Variants in WWOX observed in about 807,000 individuals in gnomAD.
WWOX encodes WW domain-containing oxidoreductase.
Under a neutral mutation model 46.2 loss-of-function variants are expected in WWOX, and 69 were observed. The observed-to-expected ratio is 1.49, with a 90% CI of 1.23 to 1.82. The LOEUF (loss-of-function observed/expected upper bound fraction) is 1.82. Ranked by LOEUF, WWOX falls within the 40% of genes most tolerant of loss-of-function variation. WWOX has a pLI of 0.00. For synonymous variants in WWOX, 359 were observed against 202.6 expected (o/e 1.77, Z -6.56); for missense variants, 919 against 542.6 (o/e 1.69, Z -6.89).
At chr16:78,862,238 A>C (rs1368986564) in intron 8 of WWOX, among the ~76,000 whole-genome samples, 1 of 151,082 alleles carries the variant, frequency 6.6e-6, no homozygotes, top group African/African-American at 2.5e-5. Flanking sequence ...GTATCTATAC[A>C]CACCTATGGG....
chr16:79,159,018 A>T (rs959863194), intron 8 of WWOX, among the ~76,000 whole-genome samples: 1 of 152,220 alleles, frequency 6.6e-6, no homozygotes, highest in African/African-American at 2.4e-5. Flanking sequence ...CTCAAGAACA[A>T]TTTCCTAAAG....
chr16:78,372,484 C>T (rs1434884218), intron 5 of WWOX, among the ~76,000 whole-genome samples: 3 of 152,260 alleles, frequency 2.0e-5, no homozygotes, highest in Non-Finnish European at 2.9e-5. Flanking sequence ...GATAGAATCA[C>T]GCTGGGGAGG....
At chr16:78,960,404 G>A (rs1191997495) in intron 8 of WWOX, among the ~76,000 whole-genome samples, 6 of 152,202 alleles carry the variant, frequency 3.9e-5, no homozygotes, top group Admixed American at 2.0e-4. Flanking sequence ...CAGCCATCTA[G>A]ACTTGCTCTC....
At chr16:78,410,302 A>G (rs2082649019) in intron 6 of WWOX, among the ~76,000 whole-genome samples, 1 of 152,216 alleles carries the variant, frequency 6.6e-6, no homozygotes. Context: ...TTGCAGTGCA[A>G]GAATAGCTTA....
At chr16:78,920,128 G>T (rs1375663164) in intron 8 of WWOX, among the ~76,000 whole-genome samples, 1 of 152,126 alleles carries the variant, frequency 6.6e-6, no homozygotes, top group African/African-American at 2.4e-5. Context: ...GGGCCGTCAA[G>T]AGCTGGCTCT....
intron 8 of WWOX, among the ~76,000 whole-genome samples, chr16:78,521,929 A>G (rs1393011861): frequency 6.6e-6 from 1 of 152,114 alleles, no homozygotes; most frequent in Non-Finnish European, 1.5e-5. Context: ...ATTTTTGGGT[A>G]CTGGAGATGG....
chr16:78,312,208 C>T (rs1037200973), intron 5 of WWOX, among the ~76,000 whole-genome samples: 9 of 152,014 alleles, frequency 5.9e-5, no homozygotes, highest in African/African-American at 2.2e-4. Flanking sequence ...CTATCTGCAA[C>T]CTTAATTCAT....
intron 8 of WWOX, among the ~76,000 whole-genome samples, chr16:78,541,806 C>A (rs1368461693): frequency 6.6e-6 from 1 of 152,026 alleles, no homozygotes; most frequent in African/African-American, 2.4e-5. Context: ...AGCAAATGGA[C>A]TACTATGAAG....
At chr16:78,367,525 C>T (rs1167669548) in intron 5 of WWOX, among the ~76,000 whole-genome samples, 1 of 151,988 alleles carries the variant, frequency 6.6e-6, no homozygotes, top group East Asian at 1.9e-4. Context: ...GATTGGACAC[C>T]CTGGGAATAA....
intron 8 of WWOX, among the ~76,000 whole-genome samples, chr16:78,791,380 A>G (rs2050595595): frequency 6.6e-6 from 1 of 152,168 alleles, no homozygotes; most frequent in South Asian, 2.1e-4. Flanking sequence ...GGAGCAGCCG[A>G]TCTGAGACTG....
intron 8 of WWOX, among the ~76,000 whole-genome samples, chr16:79,048,128 A>G (rs554852785): frequency 6.6e-6 from 1 of 152,176 alleles, no homozygotes; most frequent in East Asian, 1.9e-4. Context: ...ACGGAAAATC[A>G]TTTTCTATTT....
chr16:78,656,026 A>G (rs12325505), intron 8 of WWOX, among the ~76,000 whole-genome samples: 130,229 of 152,184 alleles, frequency 0.86, 56,410 homozygotes, highest in Non-Finnish European at 0.93. Flanking sequence ...TAGGGTGAAT[A>G]CCAAAGGTCT....
intron 8 of WWOX, among the ~76,000 whole-genome samples, chr16:79,080,835 A>T (rs28714173): frequency 0.054 from 8,284 of 152,198 alleles, 761 homozygotes; most frequent in African/African-American, 0.19. Context: ...AAGGAAAAGC[A>T]TGGCTTTTAT....
intron 8 of WWOX, among the ~76,000 whole-genome samples, chr16:78,544,558 T>C (rs2043976845): frequency 6.6e-6 from 1 of 152,174 alleles, no homozygotes; most frequent in Admixed American, 6.5e-5. Flanking sequence ...TTTTAACTCA[T>C]TGCAATGCAC....
intron 8 of WWOX, among the ~76,000 whole-genome samples, chr16:78,698,871 G>C (rs1448936397): frequency 6.6e-6 from 1 of 151,966 alleles, no homozygotes; most frequent in Admixed American, 6.6e-5. Context: ...CAAACCTTAA[G>C]TTTTCTTAAT....
chr16:78,692,253 A>T (rs144999977), intron 8 of WWOX, among the ~76,000 whole-genome samples: 1 of 152,190 alleles, frequency 6.6e-6, no homozygotes, highest in Non-Finnish European at 1.5e-5. Context: ...ATTTCTCTCA[A>T]TCTAATAGTA....
intron 8 of WWOX, among the ~76,000 whole-genome samples, chr16:78,507,383 C>A (rs185988327): frequency 4.0e-5 from 6 of 150,320 alleles, no homozygotes; most frequent in African/African-American, 1.5e-4. Flanking sequence ...CAAAAGGAAA[C>A]AAACAATGTT....
At chr16:78,488,694 C>A (rs1347565378) in intron 8 of WWOX, among the ~76,000 whole-genome samples, 1 of 152,096 alleles carries the variant, frequency 6.6e-6, no homozygotes, top group African/African-American at 2.4e-5. Flanking sequence ...GGCTCTGAGT[C>A]AAGCAGACCT....
chr16:78,486,585 G>GTTTTGTTTTC (rs78209263), intron 8 of WWOX, among the ~76,000 whole-genome samples: 13,038 of 151,210 alleles, frequency 0.086, 598 homozygotes, highest in African/African-American at 0.098. Flanking sequence ...GTTTTGTTTT[G>GTTTTGTTTTC]TTTTGTTTTG....
Sources: allele counts gnomAD v4.1 joint callset (sites outside exome capture counted in the v4.1 genomes callset), GRCh38; gene constraint gnomAD v4.1.1; transcripts MANE v1.5; gene names NCBI Gene and HGNC (gene_info 2026-07-23, HGNC 2026-07-21).